Variants in CHST1 observed in about 807,000 individuals in gnomAD.
CHST1 encodes Keratan sulfotransferase.
Under a neutral mutation model 22.5 loss-of-function variants are expected in CHST1, and 10 were observed. The ratio of observed to expected loss-of-function variants is 0.44; its 90% CI spans 0.27 to 0.75. The LOEUF is 0.75. CHST1 is among the 30% of genes least tolerant of loss of function. The pLI, the probability that CHST1 is intolerant of heterozygous loss-of-function variation, is 0.15. For synonymous variants in CHST1, 267 were observed against 264.5 expected (o/e 1.01, Z -0.09); for missense variants, 439 against 576.1 (o/e 0.76, Z 2.44).
chr11:45,658,791 T>C (rs1852094247), intron 1 of CHST1, among the ~76,000 whole-genome samples: 2 of 152,064 alleles, frequency 1.3e-5, no homozygotes, highest in African/African-American at 2.4e-5. Context: ...CCCGGTTTCC[T>C]GTCCCCCGCC....
chr11:45,651,642 A>C (rs1469428899), intron 3 of CHST1: 2 of 152,274 alleles, frequency 1.3e-5, no homozygotes, highest in Non-Finnish European at 2.9e-5. Flanking sequence ...GGGTCTGCTG[A>C]GAGGCAACCC....
intron 1 of CHST1, among the ~76,000 whole-genome samples, chr11:45,661,990 C>A (rs1201309621): frequency 1.3e-5 from 2 of 152,240 alleles, no homozygotes; most frequent in African/African-American, 4.8e-5. Context: ...CAGGCTGGAG[C>A]CCCAAGCCTG....
chr11:45,656,666 G>A (rs1429568216), intron 1 of CHST1, among the ~76,000 whole-genome samples: 2 of 152,134 alleles, frequency 1.3e-5, no homozygotes, highest in Non-Finnish European at 2.9e-5. Flanking sequence ...AGGGGTGATT[G>A]ATGACAGGGT....
rs1851962866 is a variant in CHST1, at chr11:45,649,611, T to C, written c.*77A>G. ...ATGAGGTGGGAGAGGGAGGGGTTAA[T>C]AAGGCAACAGTTAAAAACGGTCCAT... On this transcript the variant is annotated 3_prime_UTR_variant, in exon 4 of 4. Transcript: ENST00000308064. The C allele has an allele frequency of 7.0e-7, 1 of 1,425,118 alleles. No individual in the cohort carries two copies. Among genetic ancestry groups the C allele is most frequent in the Non-Finnish European group, 9.4e-7 (1 of 1,065,786 alleles). 88.3% of individuals were successfully genotyped at this position (1,425,118 alleles called of 1,614,324 possible).
In CHST1 at chr11:45,650,381, A is replaced by G. The variant is rs1325363372; in HGVS notation, c.543T>C (p.Cys181=). ...PADLVLEEGD[C]VRKCGLLNLT... is the part of the protein sequence containing the mutation. ...GGTTGAGTAGCCCGCACTTGCGCACACAGTCCCCCTCCTCCAGGACCAGGT... is the reference window on the plus strand; with the variant it reads ...GGTTGAGTAGCCCGCACTTGCGCACGCAGTCCCCCTCCTCCAGGACCAGGT... The change falls in exon 4 of 4, where the codon TGT becomes TGC. Residue 181 remains cysteine (C), a synonymous_variant. Coordinates refer to ENST00000308064, the MANE Select transcript of CHST1 (RefSeq NM_003654.6). The G allele has an allele frequency of 1.9e-6, 3 of 1,604,014 alleles. No homozygotes were observed. The African/African-American group carries it at 4.0e-5, about 21-fold the overall frequency.
At chr11:45,654,713 C>A (rs113018003) in intron 1 of CHST1, among the ~76,000 whole-genome samples, 3 of 152,212 alleles carry the variant, frequency 2.0e-5, no homozygotes, top group African/African-American at 4.8e-5. Context: ...AAAATCCAAG[C>A]AAACCTTGGA....
intron 1 of CHST1, among the ~76,000 whole-genome samples, chr11:45,664,360 A>C (rs556863911): frequency 6.6e-6 from 1 of 152,248 alleles, no homozygotes; most frequent in African/African-American, 2.4e-5. Flanking sequence ...GTCCACCAAG[A>C]GGAAGCCGGC....
rs1851977208 is a variant in CHST1 at position 45,650,352 on chromosome 11, G to A, written c.572C>T (p.Thr191Ile). 5 of 1,603,346 alleles carry A rather than the reference G, an allele frequency of 3.1e-6. No homozygotes were observed. Among genetic ancestry groups the A allele is most frequent in the Non-Finnish European group, 1.7e-6 (2 of 1,179,728 alleles). The stretch of plus-strand genomic sequence containing the variant: ...CTCGCGGCACGCCTCGGCCGCCACG[G>A]TCAGGTTGAGTAGCCCGCACTTGCG... ...CVRKCGLLNLTVAAEACRERS... is the reference protein window; with the variant it reads ...CVRKCGLLNLIVAAEACRERS... Residue 191 changes from threonine to isoleucine, a missense_variant, in exon 4 of 4, where the codon ACC becomes ATC. Thr to Ile is a moderately conservative substitution (Grantham distance 89, BLOSUM62 -1). Coordinates refer to ENST00000308064, the MANE Select transcript of CHST1 (RefSeq NM_003654.6).
chr11:45,656,699 G>A (rs913576203), intron 1 of CHST1, among the ~76,000 whole-genome samples: 1 of 152,050 alleles, frequency 6.6e-6, no homozygotes, highest in African/African-American at 2.4e-5. Flanking sequence ...ATCAGCCCTG[G>A]CATCTCACTG....
At chr11:45,664,289 A>G (rs7947626) in intron 1 of CHST1, among the ~76,000 whole-genome samples, 146,353 of 152,278 alleles carry the variant, frequency 0.96, 70,345 homozygotes, top group East Asian at 1. Context: ...GCCCGTCTTC[A>G]GGCACCTGGA....
intron 1 of CHST1, among the ~76,000 whole-genome samples, chr11:45,664,915 C>T (rs556168828): frequency 6.6e-6 from 1 of 152,164 alleles, no homozygotes; most frequent in African/African-American, 2.4e-5. Flanking sequence ...CGGGGGCCAC[C>T]GCGCGTCTCA....
chr11:45,661,110 T>C (rs945627510), intron 1 of CHST1, among the ~76,000 whole-genome samples: 7 of 152,244 alleles, frequency 4.6e-5, no homozygotes, highest in Non-Finnish European at 1.0e-4. Flanking sequence ...GTAATATATC[T>C]TGATTTTTAG....
At chr11:45,658,999 C>T (rs1258250815) in intron 1 of CHST1, among the ~76,000 whole-genome samples, 1 of 152,220 alleles carries the variant, frequency 6.6e-6, no homozygotes, top group Non-Finnish European at 1.5e-5. Context: ...GCCACCTGCA[C>T]ATTAAGCCTG....
In CHST1 at chr11:45,650,168, C is replaced by A. The variant is rs1426012598; in HGVS notation, c.756G>T (p.Arg252=). 1 of 1,613,446 alleles carries A rather than the reference C, an allele frequency of 6.2e-7. No homozygotes were observed. The highest frequency in any genetic ancestry group is 8.5e-7 in the Non-Finnish European group (1 of 1,180,026). The change falls in exon 4 of 4, where the codon CGG becomes CGT. Residue 252 remains arginine, a synonymous_variant. Transcript: ENST00000308064. ...CGGTGCCGTACCAGAGCCGCCAGAG[C>A]CGGTACGTGTCGCGGAAGGTCTCGC... ...SRSETFRDTY[R]LWRLWYGTGR...
intron 1 of CHST1, among the ~76,000 whole-genome samples, chr11:45,658,966 G>C (rs1852096817): frequency 2.0e-5 from 3 of 152,346 alleles, no homozygotes; most frequent in African/African-American, 7.2e-5. Context: ...GCCTGTCTCT[G>C]GATCCAGGAG....
intron 3 of CHST1, chr11:45,651,196 C>T: frequency 2.7e-6 from 1 of 364,970 alleles, no homozygotes; most frequent in Non-Finnish European, 4.9e-6. Context: ...ATTTAACCTG[C>T]GGACAGCTGC....
Position 45,650,743 on chromosome 11 carries a change from T to C in CHST1, c.181A>G (p.Thr61Ala). 1 of 1,614,056 alleles carries C rather than the reference T, an allele frequency of 6.2e-7. No homozygotes were observed. Among genetic ancestry groups the C allele is most frequent in the Non-Finnish European group, 8.5e-7 (1 of 1,179,972 alleles). ...PTFAYNLSRK[T>A]HILILATTRS... Reference sequence around the variant, plus strand: ...GTGGTGGCCAGGATGAGGATGTGGGTCTTGCGGGAGAGGTTGTAGGCGAAG... The same window carrying C: ...GTGGTGGCCAGGATGAGGATGTGGGCCTTGCGGGAGAGGTTGTAGGCGAAG... Residue 61 changes from threonine to alanine, a missense_variant, in exon 4 of 4, where the codon ACC (threonine) becomes GCC (alanine). Coordinates refer to ENST00000308064, the MANE Select transcript of CHST1 (RefSeq NM_003654.6).
In CHST1 at chr11:45,650,877, A is replaced by G. The variant is rs1290698597; in HGVS notation, c.47T>C (p.Ile16Thr). 6.4e-6 allele frequency: 10 copies of G among 1,562,776 alleles called. No homozygotes were observed. The highest frequency in any genetic ancestry group is 1.4e-5 in the African/African-American group (1 of 74,034). Residue 16 changes from isoleucine to threonine, a missense_variant, in exon 4 of 4, where the codon ATT (isoleucine) becomes ACT (threonine). By Grantham distance (89) the Ile-to-Thr change is moderately conservative. Coordinates refer to ENST00000308064, the MANE Select transcript of CHST1 (RefSeq NM_003654.6). ...GCGGATGGCCGTGTACTGGATGGCA[A>G]TGGAGGCCAGGGCAAGGAGGAGGAC... ...KAVLLLALAS[I>T]AIQYTAIRTF...
At chr11:45,663,809 C>T (rs1255470360) in intron 1 of CHST1, among the ~76,000 whole-genome samples, 1 of 152,170 alleles carries the variant, frequency 6.6e-6, no homozygotes, top group African/African-American at 2.4e-5. Flanking sequence ...GGCAAATCCA[C>T]CCATTCCTTT....
Sources: allele counts gnomAD v4.1 joint callset (sites outside exome capture counted in the v4.1 genomes callset), GRCh38; gene constraint gnomAD v4.1.1; transcripts MANE v1.5; gene names NCBI Gene and HGNC (gene_info 2026-07-23, HGNC 2026-07-21).